Variants in XRCC4 observed in about 807,000 individuals in gnomAD.
The protein encoded by XRCC4 is X-ray repair cross complementing 4, also known as DNA repair protein XRCC4.
Under a neutral mutation model 39.1 loss-of-function variants are expected in XRCC4, and 28 were observed. The observed-to-expected ratio is 0.72, with a 90% CI of 0.53 to 0.98. The LOEUF (loss-of-function observed/expected upper bound fraction) is 0.98. Ranked by LOEUF, XRCC4 falls within the 50% of genes least tolerant of loss-of-function variation. The pLI is 0.00. For missense variants in XRCC4, 350 were observed against 376.4 expected (o/e 0.93, Z 0.58); for synonymous variants, 123 against 126.4 (o/e 0.97, Z 0.18).
chr5:83,116,781 C>T (rs2112426204), intron 3 of XRCC4, among the ~76,000 whole-genome samples: 1 of 151,840 alleles, frequency 6.6e-6, no homozygotes, highest in South Asian at 2.1e-4. Context: ...GTCACCATGC[C>T]CAGCTGATTT....
chr5:83,087,695 G>C (rs1160105646), intron 1 of XRCC4, among the ~76,000 whole-genome samples: 1 of 151,858 alleles, frequency 6.6e-6, no homozygotes, highest in African/African-American at 2.4e-5. Context: ...CCTGGTCATA[G>C]CGTGTTCATT....
chr5:83,118,726 CAGA>C (rs1426211308), intron 3 of XRCC4, among the ~76,000 whole-genome samples: 1 of 152,156 alleles, frequency 6.6e-6, no homozygotes, highest in East Asian at 1.9e-4. Flanking sequence ...GTCTTGTGCA[CAGA>C]AGTTTTCATT....
At chr5:83,190,316 A>G (rs868062817) in intron 3 of XRCC4, among the ~76,000 whole-genome samples, 2 of 152,316 alleles carry the variant, frequency 1.3e-5, no homozygotes, top group African/African-American at 2.4e-5. Context: ...AACTGTGTAT[A>G]TATCTACAAT....
intron 3 of XRCC4, among the ~76,000 whole-genome samples, chr5:83,112,971 A>C (rs1452224000): frequency 6.6e-6 from 1 of 152,160 alleles, no homozygotes; most frequent in Non-Finnish European, 1.5e-5. Flanking sequence ...CTCACATTTC[A>C]AAACCAATCA....
intron 6 of XRCC4, among the ~76,000 whole-genome samples, chr5:83,219,434 C>T (rs959330270): frequency 6.6e-6 from 1 of 152,020 alleles, no homozygotes; most frequent in African/African-American, 2.4e-5. Context: ...AAAATGATTC[C>T]AAACCATTGA....
At chr5:83,287,875 A>G (rs1192632253) in intron 7 of XRCC4, among the ~76,000 whole-genome samples, 2 of 151,744 alleles carry the variant, frequency 1.3e-5, no homozygotes, top group Non-Finnish European at 2.9e-5. Flanking sequence ...AGTTGAAAGC[A>G]TAGGTTATTA....
chr5:83,340,655 A>G (rs1756728652), intron 7 of XRCC4, among the ~76,000 whole-genome samples: 1 of 150,666 alleles, frequency 6.6e-6, no homozygotes, highest in Admixed American at 6.6e-5. Flanking sequence ...CAGCTTCTCC[A>G]CTAGTGCCTC....
intron 6 of XRCC4, among the ~76,000 whole-genome samples, chr5:83,205,606 T>G (rs1751390721): frequency 1.3e-5 from 2 of 152,096 alleles, no homozygotes; most frequent in African/African-American, 4.8e-5. Flanking sequence ...AAATGCTTGA[T>G]TTATTTATTT....
the XRCC4 span, among the ~76,000 whole-genome samples, chr5:83,362,328 T>A: frequency 1.4e-5 from 2 of 142,382 alleles, no homozygotes; most frequent in Admixed American, 6.8e-5. Context: ...ACTATCTCAT[T>A]GTTTTAGGTA....
At chr5:83,194,787 T>C (rs1750867988) in intron 3 of XRCC4, among the ~76,000 whole-genome samples, 1 of 152,206 alleles carries the variant, frequency 6.6e-6, no homozygotes, top group Non-Finnish European at 1.5e-5. Flanking sequence ...TGGGATACTC[T>C]CTTACCAAGA....
At chr5:83,127,198 G>A in intron 3 of XRCC4, among the ~76,000 whole-genome samples, 1 of 152,036 alleles carries the variant, frequency 6.6e-6, no homozygotes, top group East Asian at 1.9e-4. Flanking sequence ...GGGGGGCTAG[G>A]GGTGGAATAC....
chr5:83,110,419 C>T (rs140318937), intron 2 of XRCC4, among the ~76,000 whole-genome samples: 1 of 152,026 alleles, frequency 6.6e-6, no homozygotes, highest in African/African-American at 2.4e-5. Flanking sequence ...GATAGTAAAA[C>T]ATCAGCTTTA....
intron 7 of XRCC4, among the ~76,000 whole-genome samples, chr5:83,330,732 G>T: frequency 6.6e-6 from 1 of 152,052 alleles, no homozygotes; most frequent in Non-Finnish European, 1.5e-5. Flanking sequence ...ATAACTATAT[G>T]TATCAAATAT....
At chr5:83,284,284 A>G (rs1249222359) in intron 7 of XRCC4, among the ~76,000 whole-genome samples, 2 of 151,990 alleles carry the variant, frequency 1.3e-5, no homozygotes, top group Non-Finnish European at 2.9e-5. Flanking sequence ...ATCTATAACC[A>G]ACCACACAAT....
At position 83,181,293 on chromosome 5, in the gene XRCC4, CTT is replaced by C. The variant is rs1257549795; in HGVS notation, c.316-14475_316-14474del. Reference sequence around the variant, plus strand: ...TAATATTGAGTATTTTATTATGACTCTTTAAATATTATCAACATTAGAGGTAT... The same window carrying C: ...TAATATTGAGTATTTTATTATGACTCTAAATATTATCAACATTAGAGGTAT... On this transcript the variant is annotated intron_variant, in intron 3 of 7. Coordinates refer to ENST00000396027, the MANE Select transcript of XRCC4 (RefSeq NM_003401.5). Among the ~76,000 whole-genome samples, 3 of 151,950 alleles carry C rather than the reference CTT, an allele frequency of 2.0e-5. No homozygotes were observed. The East Asian group carries it at 5.8e-4, about 29-fold the overall frequency.
rs1395948805 is a variant in XRCC4 at position 83,262,917 on chromosome 5, T to C, written c.893+4240T>C. Reference sequence around the variant, plus strand: ...TGCAGGTTAGTTACATATGTATACATGTGCCATGCTGGTGCGCTGCACCCA... The same window carrying C: ...TGCAGGTTAGTTACATATGTATACACGTGCCATGCTGGTGCGCTGCACCCA... On this transcript the variant is annotated intron_variant, in intron 7 of 7. Coordinates refer to ENST00000396027, the MANE Select transcript of XRCC4 (RefSeq NM_003401.5). Among the ~76,000 whole-genome samples the C allele has an allele frequency of 1.2e-4, 18 of 146,164 alleles. 1 individual carries two copies. In the East Asian group the frequency reaches 3.8e-3, roughly 31 times the overall value.
At chr5:83,318,179 G>A (rs201339279) in intron 7 of XRCC4, among the ~76,000 whole-genome samples, 10,247 of 134,370 alleles carry the variant, frequency 0.076, 1,412 homozygotes, top group African/African-American at 0.28. Flanking sequence ...AACTCTCAAT[G>A]AATTAGGTGT....
chr5:83,258,497 G>C, intron 6 of XRCC4, 33 bp from the exon 7 acceptor site: 1 of 1,596,484 alleles, frequency 6.3e-7, no homozygotes, highest in Non-Finnish European at 8.5e-7. Context: ...GCATAATTTT[G>C]TTGGGTCACA....
intron 6 of XRCC4, among the ~76,000 whole-genome samples, chr5:83,214,791 C>T (rs574005167): frequency 1.3e-5 from 2 of 149,376 alleles, no homozygotes; most frequent in African/African-American, 4.9e-5. Flanking sequence ...GAGCCGAGAT[C>T]GCGCCACTGC....
Sources: gnomAD v4.1 joint callset for allele counts (sites outside exome capture counted in the v4.1 genomes callset) on GRCh38, gnomAD v4.1.1 for gene constraint, MANE v1.5 for transcripts, NCBI Gene and HGNC (gene_info 2026-07-23, HGNC 2026-07-21) for gene names.